GPM6A: variants seen among roughly 807,000 people sequenced by gnomAD.
The protein encoded by GPM6A is glycoprotein M6A.
In GPM6A, 7 loss-of-function variants were observed where a neutral mutation model predicts 32.1. The ratio of observed to expected loss-of-function variants is 0.22; its 90% CI spans 0.12 to 0.41. The LOEUF (loss-of-function observed/expected upper bound fraction) is 0.41. GPM6A is among the 10% of genes least tolerant of loss of function. The probability of loss-of-function intolerance (pLI) is 1.00; values close to 1 mark genes in which losing one functional copy is unlikely to be tolerated. For synonymous variants in GPM6A, 130 were observed against 123.4 expected (o/e 1.05, Z -0.35); for missense variants, 235 against 347.2 (o/e 0.68, Z 2.57).
At chr4:175,751,551 A>C (rs919211362) in intron 1 of GPM6A, among the ~76,000 whole-genome samples, 1 of 152,168 alleles carries the variant, frequency 6.6e-6, no homozygotes, top group African/African-American at 2.4e-5. Context: ...TATCTATAAT[A>C]AGAACACCTG....
intron 1 of GPM6A, among the ~76,000 whole-genome samples, chr4:175,725,809 C>A (rs1027883152): frequency 6.6e-6 from 1 of 151,938 alleles, no homozygotes; most frequent in African/African-American, 2.4e-5. Context: ...TGCTATTTTG[C>A]ATTTTAATAA....
At chr4:175,638,290 A>G (rs549489890) in intron 6 of GPM6A, among the ~76,000 whole-genome samples, 11 of 151,982 alleles carry the variant, frequency 7.2e-5, no homozygotes, top group Non-Finnish European at 1.5e-4. Flanking sequence ...CAGTAGCAGT[A>G]GTTATATTTT....
intron 1 of GPM6A, among the ~76,000 whole-genome samples, chr4:175,719,157 T>G (rs535450532): frequency 6.6e-6 from 1 of 152,116 alleles, no homozygotes; most frequent in Admixed American, 6.6e-5. Flanking sequence ...TTTTTAAAAT[T>G]CTATCTCATA....
chr4:175,657,866 C>T (rs924986830), intron 3 of GPM6A, among the ~76,000 whole-genome samples: 17 of 152,188 alleles, frequency 1.1e-4, no homozygotes, highest in African/African-American at 3.9e-4. Flanking sequence ...GGCAGGAGAA[C>T]ACCAAGTCAA....
chr4:175,902,752 C>T (rs997465191), intron 1 of GPM6A, among the ~76,000 whole-genome samples: 4 of 152,028 alleles, frequency 2.6e-5, no homozygotes, highest in Non-Finnish European at 5.9e-5. Context: ...ACCCCTCTCT[C>T]TGCAGCAGAG....
At chr4:175,710,452 G>A (rs866419568) in intron 1 of GPM6A, among the ~76,000 whole-genome samples, 4 of 151,828 alleles carry the variant, frequency 2.6e-5, no homozygotes, top group Non-Finnish European at 5.9e-5. Context: ...CATATAAGTC[G>A]TTTTTTTCTT....
At chr4:175,847,701 A>T (rs1736133557) in intron 1 of GPM6A, among the ~76,000 whole-genome samples, 1 of 152,186 alleles carries the variant, frequency 6.6e-6, no homozygotes, top group South Asian at 2.1e-4. Context: ...TTAAAAAAAG[A>T]CAAAAATTAT....
chr4:175,849,170 T>C (rs928675890), intron 1 of GPM6A, among the ~76,000 whole-genome samples: 6 of 152,200 alleles, frequency 3.9e-5, no homozygotes, highest in African/African-American at 1.4e-4. Flanking sequence ...TACTAATTAA[T>C]CTGGTAGAGA....
At chr4:175,639,616 T>G (rs1741020311) in intron 6 of GPM6A, among the ~76,000 whole-genome samples, 1 of 152,132 alleles carries the variant, frequency 6.6e-6, no homozygotes, top group African/African-American at 2.4e-5. Flanking sequence ...TCCTCCTCAT[T>G]GTGTAAAAGC....
intron 1 of GPM6A, among the ~76,000 whole-genome samples, chr4:175,921,914 T>C (rs1262958977): frequency 6.6e-6 from 1 of 152,180 alleles, no homozygotes; most frequent in Non-Finnish European, 1.5e-5. Context: ...TCTTCAGTAC[T>C]TCATTTCTCT....
intron 1 of GPM6A, among the ~76,000 whole-genome samples, chr4:175,922,016 A>C (rs1738684110): frequency 6.6e-6 from 1 of 152,170 alleles, no homozygotes; most frequent in Non-Finnish European, 1.5e-5. Context: ...GTAACTGAAC[A>C]CAAGCCTTGA....
intron 2 of GPM6A, among the ~76,000 whole-genome samples, chr4:175,687,681 A>T (rs751757420): frequency 9.2e-5 from 14 of 152,102 alleles, no homozygotes; most frequent in Non-Finnish European, 1.8e-4. Flanking sequence ...ACTCTTTTGT[A>T]TTAATACCCG....
chr4:175,751,742 C>A (rs1018737023), intron 1 of GPM6A, among the ~76,000 whole-genome samples: 2 of 150,490 alleles, frequency 1.3e-5, no homozygotes, highest in African/African-American at 4.9e-5. Context: ...ACACGATGCA[C>A]CTGTTTTTTT....
intron 1 of GPM6A, among the ~76,000 whole-genome samples, chr4:175,708,759 T>C (rs1455224353): frequency 6.6e-6 from 1 of 152,152 alleles, no homozygotes; most frequent in Non-Finnish European, 1.5e-5. Flanking sequence ...GGTTAAAATA[T>C]AATAGGTGAA....
rs372433306 is a variant in GPM6A, at chr4:175,640,219, A to G, written c.619-25T>C. The G allele has an allele frequency of 2.3e-5, 36 of 1,586,300 alleles. No homozygotes were observed. The African/African-American group carries it at 4.0e-4, about 18-fold the overall frequency. ...GCTGCAATGGAAACCACAGAGAATC[A>G]AAAGGTGTCAGAGTTATAGGTAGAA... On this transcript the variant is annotated intron_variant, in intron 5 of 6. Coordinates refer to ENST00000393658, the MANE Select transcript of GPM6A (RefSeq NM_201591.3).
At chr4:175,670,495 A>G (rs914974146) in intron 3 of GPM6A, among the ~76,000 whole-genome samples, 22 of 152,236 alleles carry the variant, frequency 1.4e-4, no homozygotes, top group African/African-American at 5.3e-4. Context: ...ATACTTCTAC[A>G]TTAAACTTAA....
At chr4:175,962,065 T>A in intron 1 of GPM6A, 1 of 723,086 alleles carries the variant, frequency 1.4e-6, no homozygotes, top group South Asian at 1.4e-5. Context: ...GAACCAGATG[T>A]TGCCAATCTG....
intron 2 of GPM6A, 38 bp downstream of exon 2, chr4:175,701,537 A>G (rs1239354155): frequency 1.4e-6 from 2 of 1,445,974 alleles, no homozygotes; most frequent in East Asian, 2.3e-5. Context: ...GTGTAAATAT[A>G]TACATGGAAA....
At chr4:175,685,439 T>A (rs377221742) in intron 2 of GPM6A, among the ~76,000 whole-genome samples, 46 of 152,188 alleles carry the variant, frequency 3.0e-4, no homozygotes, top group African/African-American at 8.9e-4. Context: ...CTTAATTTAC[T>A]TTTTTGGCTA....
Sources: gnomAD v4.1 joint callset for allele counts (sites outside exome capture counted in the v4.1 genomes callset) on GRCh38, gnomAD v4.1.1 for gene constraint, MANE v1.5 for transcripts, NCBI Gene and HGNC (gene_info 2026-07-23, HGNC 2026-07-21) for gene names.